Variants in AARS1 observed in about 807,000 individuals in gnomAD.
The protein encoded by AARS1 is alanyl-tRNA synthetase 1.
AARS1 carries 72 observed loss-of-function variants against 108.9 expected under a neutral mutation model. The ratio of observed to expected loss-of-function variants is 0.66; its 90% CI spans 0.55 to 0.80. The LOEUF (loss-of-function observed/expected upper bound fraction) is 0.80. Among genes scored for constraint, AARS1 ranks in the 30% least tolerant of loss-of-function variants. AARS1 has a pLI of 0.00. For synonymous variants in AARS1, 489 were observed against 465.7 expected (o/e 1.05, Z -0.64); for missense variants, 1,193 against 1,233.2 (o/e 0.97, Z 0.49).
intron 6 of AARS1, 38 bp from the exon 7 acceptor site, chr16:70,269,801 A>T (rs1232771090): frequency 7.4e-6 from 12 of 1,613,346 alleles, no homozygotes; most frequent in Non-Finnish European, 1.0e-5. Context: ...TTTAGGAAGC[A>T]GACTTTCTGG....
chr16:70,279,366 AAAAAAAAAAAG>A (rs1960635412), intron 2 of AARS1, among the ~76,000 whole-genome samples: 2 of 148,914 alleles, frequency 1.3e-5, no homozygotes, highest in African/African-American at 4.9e-5. Context: ...AAAAAAAAAA[AAAAAAAAAAAG>A]GGCCAGGTGC....
chr16:70,264,494 T>C (rs1231138353), intron 11 of AARS1, among the ~76,000 whole-genome samples: 1 of 151,742 alleles, frequency 6.6e-6, no homozygotes, highest in Non-Finnish European at 1.5e-5. Context: ...TTTCCGTATT[T>C]TTAGTAGAGA....
In AARS1 at chr16:70,252,825, C is replaced by T; in HGVS notation, c.2803G>A (p.Asp935Asn). ...GLMDGKGGGK[D>N]VSAQATGKNV... ...TTGCCTGTGGCCTGTGCAGACACAT[C>T]CTTGCCACCACCTTTACCGTCCATC... Residue 935 changes from aspartate (D) to asparagine (N), a missense_variant, in exon 21 of 21, where the codon GAT becomes AAT. Asp to Asn is a conservative substitution (Grantham distance 23). Coordinates refer to ENST00000261772, the MANE Select transcript of AARS1 (RefSeq NM_001605.3). 1 of 1,614,242 alleles carries T rather than the reference C, an allele frequency of 6.2e-7. No homozygotes were observed. The highest frequency in any genetic ancestry group is 8.5e-7 in the Non-Finnish European group (1 of 1,180,048).
chr16:70,264,569 G>A (rs569814427), intron 11 of AARS1, among the ~76,000 whole-genome samples: 12 of 152,048 alleles, frequency 7.9e-5, no homozygotes, highest in Non-Finnish European at 1.2e-4. Flanking sequence ...CACCTGCCCC[G>A]GCCTCCCAAA....
Position 70,276,641 on chromosome 16 carries a change from G to T in AARS1, c.334-10C>A, listed in dbSNP as rs758124515. On this transcript the variant is annotated splice_polypyrimidine_tract_variant and intron_variant, in intron 3 of 20. Coordinates refer to ENST00000261772, the MANE Select transcript of AARS1 (RefSeq NM_001605.3). ...TCTTACATGCCAATTCCTACAAAAA[G>T]AACAGAGAGAAAGATATGGAACATT... 59 of 1,613,666 alleles carry T rather than the reference G, an allele frequency of 3.7e-5. 1 individual carries two copies. In the South Asian group the frequency reaches 6.1e-4, roughly 17 times the overall value.
rs189116334 is a variant in AARS1 at position 70,275,010 on chromosome 16, A to G, written c.479+1476T>C. On this transcript the variant is annotated intron_variant, in intron 4 of 20. Transcript: ENST00000261772. ...CACAGTGGCTCACATCTGTAATCCT[A>G]GCACTTTGGGAGGCCAAAGCGGGTG... Among the ~76,000 whole-genome samples, 1,004 of 152,156 alleles carry G rather than the reference A, an allele frequency of 6.6e-3. 6 individuals carry two copies. The highest frequency in any genetic ancestry group is 9.7e-3 in the Non-Finnish European group (659 of 67,984).
chr16:70,279,187 T>A, intron 2 of AARS1, among the ~76,000 whole-genome samples: 1 of 150,940 alleles, frequency 6.6e-6, no homozygotes, highest in Non-Finnish European at 1.5e-5. Context: ...CCATCTCTAC[T>A]AAAAATATAA....
At chr16:70,276,681 T>G (rs1183636142) in intron 3 of AARS1, 50 bp from the exon 4 acceptor site, 1 of 1,595,964 alleles carries the variant, frequency 6.3e-7, no homozygotes, top group Non-Finnish European at 8.6e-7. Flanking sequence ...AACCAAAATC[T>G]ATTTAGTATG....
intron 2 of AARS1, among the ~76,000 whole-genome samples, chr16:70,280,968 C>T (rs1026902894): frequency 1.3e-5 from 2 of 152,136 alleles, no homozygotes; most frequent in African/African-American, 2.4e-5. Context: ...GCTGGGACTA[C>T]AGGCATGCAC....
chr16:70,280,066 G>C (rs1460326159), intron 2 of AARS1, among the ~76,000 whole-genome samples: 3 of 151,772 alleles, frequency 2.0e-5, no homozygotes, highest in African/African-American at 7.3e-5. Context: ...TTTTTCTTTT[G>C]CTTTAATTTT....
chr16:70,276,192 C>A, intron 4 of AARS1: 1 of 189,434 alleles, frequency 5.3e-6, no homozygotes, highest in Non-Finnish European at 1.1e-5. Flanking sequence ...TCCAGCCTAG[C>A]TGACAGAGCA....
chr16:70,254,328 A>T, intron 17 of AARS1: 1 of 583,882 alleles, frequency 1.7e-6, no homozygotes, highest in African/African-American at 1.9e-5. Context: ...AATACCAGGC[A>T]GGCTTGGAAG....
rs756875659 is a variant in AARS1, at chr16:70,271,824, T to C, written c.628A>G (p.Asn210Asp). Residue 210 changes from asparagine (N) to aspartate (D), a missense_variant, in exon 5 of 21, where the codon AAT (asparagine) becomes GAT (aspartate). Transcript: ENST00000261772. ...AAHLVNQDDP[N>D]VLEIWNLVFI... Reference sequence around the variant, plus strand: ...ACAAGGTTCCAGATCTCCAGCACATTAGGGTCGTCCTGGTTGACAAGATGT... The same window carrying C: ...ACAAGGTTCCAGATCTCCAGCACATCAGGGTCGTCCTGGTTGACAAGATGT... 3.1e-6 allele frequency: 5 copies of C among 1,613,968 alleles called. No homozygotes were observed. The highest frequency in any genetic ancestry group is 1.7e-5 in the Admixed American group (1 of 59,956).
Position 70,258,162 on chromosome 16 carries a change from C to G in AARS1, c.2048G>C (p.Arg683Pro). The change falls in exon 15 of 21, where the codon CGG becomes CCG. Residue 683 changes from arginine to proline, a missense_variant. Physicochemically the swap from Arg to Pro is moderately radical, Grantham distance 103. Coordinates refer to ENST00000261772, the MANE Select transcript of AARS1 (RefSeq NM_001605.3). ...LAAAKAIQGL[R>P]AVFDETYPDP... ...AGGATAGGTCTCATCAAACACAGCC[C>G]GTAGGCCCTGGATGGCTTTCGCTGC... 6.2e-7 allele frequency: 1 copy of G among 1,609,826 alleles called. No individual in the cohort carries two copies. The highest frequency in any genetic ancestry group is 8.5e-7 in the Non-Finnish European group (1 of 1,177,992).
intron 8 of AARS1, 151 bp downstream of exon 8, chr16:70,268,120 A>C (rs1425517872): frequency 1.3e-6 from 1 of 772,272 alleles, no homozygotes; most frequent in East Asian, 2.7e-5. Flanking sequence ...GTGAGCCAAG[A>C]TCACTCTATT....
chr16:70,263,890 G>C (rs1020534954), intron 11 of AARS1, among the ~76,000 whole-genome samples: 1 of 152,066 alleles, frequency 6.6e-6, no homozygotes, highest in East Asian at 2.0e-4. Flanking sequence ...GCCCACCCTG[G>C]CATCCCGAAG....
rs141837805 is a variant in AARS1 at position 70,252,397 on chromosome 16, C to T, written c.*324G>A. 1.5e-3 allele frequency: 665 copies of T among 436,418 alleles called. 9 individuals carry two copies. Among genetic ancestry groups the T allele is most frequent in the Non-Finnish European group, 1.6e-3 (384 of 235,232 alleles). 27.0% of individuals were successfully genotyped at this position (436,418 alleles called of 1,614,324 possible). A position where few individuals can be genotyped will look rare whatever the true frequency, so the allele number is the denominator to read the frequency against. On this transcript the variant is annotated 3_prime_UTR_variant, in exon 21 of 21. Coordinates refer to ENST00000261772, the MANE Select transcript of AARS1 (RefSeq NM_001605.3). ...AGATCATGCGGCATTAAGTATTGCA[C>T]GTGGTCCTTTTATTCTCTGCAGCAA...
chr16:70,253,506 G>C (rs1368967203), intron 19 of AARS1, 125 bp from the exon 20 acceptor site: 1 of 1,055,048 alleles, frequency 9.5e-7, no homozygotes, highest in African/African-American at 1.6e-5. Context: ...GCTGTGCCCA[G>C]GGCCTGTGGG....
intron 4 of AARS1, among the ~76,000 whole-genome samples, chr16:70,275,343 T>C (rs1342938999): frequency 6.6e-6 from 1 of 151,064 alleles, no homozygotes; most frequent in African/African-American, 2.4e-5. Flanking sequence ...GGGCCAGGCG[T>C]GGTGACTCAT....
Sources: gnomAD v4.1 joint callset for allele counts (sites outside exome capture counted in the v4.1 genomes callset) on GRCh38, gnomAD v4.1.1 for gene constraint, MANE v1.5 for transcripts, NCBI Gene and HGNC (gene_info 2026-07-23, HGNC 2026-07-21) for gene names.